The following KLF13 variants were observed in gnomAD, a reference collection of about 807,000 sequenced individuals.
The protein encoded by KLF13 is Krueppel-like factor 13.
KLF13 carries 8 observed loss-of-function variants against 16.7 expected under a neutral mutation model. The ratio of observed to expected loss-of-function variants is 0.48; its 90% confidence interval spans 0.28 to 0.87. KLF13 has a LOEUF of 0.87. Ranked by LOEUF, KLF13 falls within the 40% of genes least tolerant of loss-of-function variation. KLF13 has a pLI of 0.10. For synonymous variants in KLF13, 245 were observed against 208.4 expected, an observed-to-expected ratio of 1.18 and a Z score of -1.51; for missense variants, 447 against 452.2, an observed-to-expected ratio of 0.99 and a Z score of 0.10.
chr15:31,340,134 T>A (rs1370683059), intron 1 of KLF13: 3 of 680,220 alleles, frequency 4.4e-6, no homozygotes, highest in Non-Finnish European at 8.1e-6. Context: ...CAGGTCTATT[T>A]GGGTCCCTTC....
At chr15:31,328,092 A>T (rs1366284835) in intron 1 of KLF13, among the ~76,000 whole-genome samples, 3 of 127,300 alleles carry the variant, frequency 2.4e-5, no homozygotes, top group Non-Finnish European at 3.4e-5. Flanking sequence ...GGGGGCGGGG[A>T]CCCCTCCCGG....
At chr15:31,393,843 G>A (rs1195364255) in intron 2 of KLF13, among the ~76,000 whole-genome samples, 1 of 152,150 alleles carries the variant, frequency 6.6e-6, no homozygotes, top group African/African-American at 2.4e-5. Context: ...GAGAGTCAAG[G>A]ACATGCTGCC....
chr15:31,431,655 G>T (rs989038620), intron 1 of KLF13, among the ~76,000 whole-genome samples: 5 of 152,132 alleles, frequency 3.3e-5, no homozygotes, highest in Non-Finnish European at 4.4e-5. Flanking sequence ...TAGTAGAGAT[G>T]GGTTTTCACC....
rs1208112332 is a variant in KLF13, at chr15:31,376,693, G to A, written c.*4394G>A. The stretch of plus-strand genomic sequence containing the variant: ...GATACACGCCTGAGCACCCTTTAGG[G>A]CGAGGCGCCGCCTCCTGCCTGCTGT... On this transcript the variant is annotated 3_prime_UTR_variant, in exon 2 of 2. Coordinates refer to ENST00000307145, the MANE Select transcript of KLF13 (RefSeq NM_015995.4). 6.6e-6 allele frequency: 1 copy of A among 152,594 alleles called. No individual in the cohort carries two copies. Among genetic ancestry groups the A allele is most frequent in the Non-Finnish European group, 1.5e-5 (1 of 68,042 alleles). 9.5% of individuals were successfully genotyped at this position (152,594 alleles called of 1,614,324 possible). A position where few individuals can be genotyped will look rare whatever the true frequency, so the allele number is the denominator to read the frequency against.
chr15:31,343,463 G>C lies in KLF13; in HGVS notation c.577+15674G>C, dbSNP rs546293249. 5.9e-5 allele frequency among the ~76,000 whole-genome samples: 9 copies of C among 152,328 alleles called. No homozygotes were observed. The East Asian group carries it at 1.7e-3, about 29-fold the overall frequency. The stretch of plus-strand genomic sequence containing the variant: ...GCCCCCAGCAGTGGGAAGGAGACCA[G>C]CCTTCAGGCTGCTCACCTGAAGGGA... On this transcript the variant is annotated intron_variant, in intron 1 of 1. Transcript: ENST00000307145.
chr15:31,380,060 G>C (rs1462680467), downstream of KLF13, among the ~76,000 whole-genome samples: 1 of 152,154 alleles, frequency 6.6e-6, no homozygotes, highest in Non-Finnish European at 1.5e-5. Flanking sequence ...CACTCTGGGG[G>C]GCCGAGGAAG....
intron 1 of KLF13, among the ~76,000 whole-genome samples, chr15:31,360,985 C>T (rs1223958801): frequency 3.9e-5 from 6 of 152,170 alleles, no homozygotes; most frequent in Non-Finnish European, 4.4e-5. Context: ...GTTTTGAGTG[C>T]GCTGCCTGGT....
At chr15:31,362,731 C>T (rs892562665) in intron 1 of KLF13, among the ~76,000 whole-genome samples, 3 of 152,132 alleles carry the variant, frequency 2.0e-5, no homozygotes, top group African/African-American at 7.2e-5. Context: ...CTCAGTGTTC[C>T]CCTGGGTGAT....
rs1261113580 is a variant in KLF13 at position 31,433,527 on chromosome 15, T to G, written n.118-1843T>G. 5.3e-5 allele frequency among the ~76,000 whole-genome samples: 8 copies of G among 152,258 alleles called. No homozygotes were observed. The East Asian group carries it at 1.5e-3, about 29-fold the overall frequency. On this transcript the variant is annotated intron_variant and non_coding_transcript_variant, in intron 1 of 1. Transcript: ENST00000558225. ...GTCCCCCCCTTCCCCAGTCCCTGTGTGCTCTGCACCCTGTACATGCGATCA... is the reference window on the plus strand; with the variant it reads ...GTCCCCCCCTTCCCCAGTCCCTGTGGGCTCTGCACCCTGTACATGCGATCA...
In KLF13 at chr15:31,414,817, G is replaced by T. The variant is rs527859527; in HGVS notation, n.118-20553G>T. Among the ~76,000 whole-genome samples, 31 of 152,272 alleles carry T rather than the reference G, an allele frequency of 2.0e-4. No homozygotes were observed. The East Asian group carries it at 6.0e-3, about 29-fold the overall frequency. ...GAAGATCAATAAAGAAGTAGAAGAA[G>T]ACTTGAATGACACTATAAACCAACT... is the stretch of plus-strand genomic sequence containing the variant. On this transcript the variant is annotated intron_variant and non_coding_transcript_variant, in intron 1 of 1. Coordinates refer to the KLF13 transcript ENST00000558225.
chr15:31,372,499 A>G lies in KLF13; in HGVS notation c.*200A>G, dbSNP rs1595480664. On this transcript the variant is annotated 3_prime_UTR_variant, in exon 2 of 2. Transcript: ENST00000307145. Reference sequence around the variant, plus strand: ...AAAACACCACCCACCAAATTGCACAATAGATACACCCACAAAGTTGAGATT... The same window carrying G: ...AAAACACCACCCACCAAATTGCACAGTAGATACACCCACAAAGTTGAGATT... The G allele has an allele frequency of 6.9e-6, 4 of 583,472 alleles. No homozygotes were observed. The highest frequency in any genetic ancestry group is 8.6e-6 in the Non-Finnish European group (3 of 349,208). The allele number at this position is 583,472 out of a possible 1,614,324, so 36.1% of individuals were successfully genotyped here.
At chr15:31,368,072 C>G (rs753651427) in intron 1 of KLF13, among the ~76,000 whole-genome samples, 2 of 151,684 alleles carry the variant, frequency 1.3e-5, no homozygotes, top group African/African-American at 2.4e-5. Flanking sequence ...CCCTCTTCTC[C>G]ATGCTCCACA....
rs576977859 is a variant in KLF13, at chr15:31,398,052, A to G, written n.529+4361A>G. Among the ~76,000 whole-genome samples the G allele has an allele frequency of 6.6e-5, 10 of 152,306 alleles. No homozygotes were observed. The South Asian group carries it at 1.7e-3, about 25-fold the overall frequency. On this transcript the variant is annotated intron_variant and non_coding_transcript_variant, in intron 2 of 2. Transcript: ENST00000500533. The stretch of plus-strand genomic sequence containing the variant: ...GTCCGGGGCCAGTAATTAGCCTAAT[A>G]AGGAGCCTGCTAGGCCTGCGTCTCT...
chr15:31,398,211 C>G (rs2039982414), intron 2 of KLF13, among the ~76,000 whole-genome samples: 1 of 152,198 alleles, frequency 6.6e-6, no homozygotes, highest in Non-Finnish European at 1.5e-5. Context: ...TTCAGAGATT[C>G]TCCAACCCTA....
chr15:31,431,983 G>A (rs1372377451), intron 1 of KLF13, among the ~76,000 whole-genome samples: 1 of 151,792 alleles, frequency 6.6e-6, no homozygotes, highest in Non-Finnish European at 1.5e-5. Flanking sequence ...CGGGGATGGA[G>A]GAGGTGGGAT....
rs182256283 is a variant in KLF13 at position 31,332,312 on chromosome 15, A to G, written c.577+4523A>G. Among the ~76,000 whole-genome samples, 768 of 152,290 alleles carry G rather than the reference A, an allele frequency of 5.0e-3. 13 individuals carry two copies. The highest frequency in any genetic ancestry group is 8.9e-3 in the South Asian group (43 of 4,822). ...TTCTTGAAAATGTTTCCTTCTCCCA[A>G]TTCTCCTTTTGCATGTGTGAGAACA... On this transcript the variant is annotated intron_variant, in intron 1 of 1. Transcript: ENST00000307145.
chr15:31,344,366 G>A (rs1007268695), intron 1 of KLF13, among the ~76,000 whole-genome samples: 1 of 152,236 alleles, frequency 6.6e-6, no homozygotes, highest in African/African-American at 2.4e-5. Context: ...CTGAAAACAC[G>A]CCATGGCTGG....
intron 1 of KLF13, among the ~76,000 whole-genome samples, chr15:31,351,111 T>C (rs533743072): frequency 6.6e-6 from 1 of 152,268 alleles, no homozygotes; most frequent in East Asian, 1.9e-4. Flanking sequence ...AGTTGGAAAG[T>C]CTTTTCTCAG....
chr15:31,434,946 A>G, intron 1 of KLF13, among the ~76,000 whole-genome samples: 1 of 152,096 alleles, frequency 6.6e-6, no homozygotes, highest in East Asian at 1.9e-4. Context: ...GGGCCGGGGG[A>G]CTGGCCAAAA....
Sources: gnomAD v4.1 joint callset for allele counts (sites outside exome capture counted in the v4.1 genomes callset) on GRCh38, gnomAD v4.1.1 for gene constraint, MANE v1.5 for transcripts, NCBI Gene and HGNC (gene_info 2026-07-23, HGNC 2026-07-21) for gene names.